Variants in GSE1 observed in about 807,000 individuals in gnomAD.
GSE1 encodes Gse1 coiled-coil protein.
GSE1 carries 32 observed loss-of-function variants against 112.6 expected under a neutral mutation model. The observed-to-expected ratio is 0.28, with a 90% confidence interval of 0.21 to 0.38. GSE1 has a LOEUF of 0.38. Ranked by LOEUF, GSE1 falls within the 10% of genes least tolerant of loss-of-function variation. GSE1 has a pLI of 1.00. For missense variants in GSE1, 2,348 were observed against 1,699.2 expected (o/e 1.38, Z -6.71); for synonymous variants, 1,115 against 735.6 (o/e 1.52, Z -8.35).
chr16:85,370,845 A>G (rs906478552), intron 2 of GSE1, among the ~76,000 whole-genome samples: 1 of 152,184 alleles, frequency 6.6e-6, no homozygotes, highest in South Asian at 2.1e-4. Context: ...TCTGCTGCCC[A>G]CGGAGTTGAC....
rs1385213404 is a variant in GSE1 at position 85,672,924 on chromosome 16, T to C, written c.*385T>C. The C allele has an allele frequency of 1.3e-5, 2 of 155,804 alleles. No homozygotes were observed. The highest frequency in any genetic ancestry group is 1.3e-4 in the Admixed American group (2 of 15,588). The allele number at this position is 155,804 out of a possible 1,614,324, so 9.7% of individuals were successfully genotyped here. A position where few individuals can be genotyped will look rare whatever the true frequency, so the allele number is the denominator to read the frequency against. The stretch of plus-strand genomic sequence containing the variant: ...GGTTCTGTTCTTTCTTGTGTTGCCA[T>C]GTTACTATGCCTCAAGCCCAGTTTG... On this transcript the variant is annotated 3_prime_UTR_variant, in exon 16 of 16. Coordinates refer to ENST00000253458, the MANE Select transcript of GSE1 (RefSeq NM_014615.5).
intron 2 of GSE1, among the ~76,000 whole-genome samples, chr16:85,404,291 A>G (rs1312003137): frequency 1.6e-5 from 1 of 64,202 alleles, no homozygotes; most frequent in Non-Finnish European, 2.9e-5. Context: ...TCACTGTTAC[A>G]CTCAGGCCCC....
At chr16:85,418,275 A>G (rs2048749208) in intron 2 of GSE1, among the ~76,000 whole-genome samples, 1 of 152,234 alleles carries the variant, frequency 6.6e-6, no homozygotes, top group Non-Finnish European at 1.5e-5. Context: ...AGCCAGTAAC[A>G]TGCAAAGTCA....
intron 2 of GSE1, among the ~76,000 whole-genome samples, chr16:85,380,769 G>C: frequency 6.6e-6 from 1 of 152,214 alleles, no homozygotes; most frequent in East Asian, 1.9e-4. Context: ...ATCCAGCCTC[G>C]CAAACAGCCC....
chr16:85,492,798 G>T (rs1358137134), intron 2 of GSE1, among the ~76,000 whole-genome samples: 1 of 152,188 alleles, frequency 6.6e-6, no homozygotes, highest in Non-Finnish European at 1.5e-5. Flanking sequence ...TCCTGAGTTT[G>T]CCTGGAGTGG....
chr16:85,608,337 C>T (rs1287359399), upstream of GSE1, among the ~76,000 whole-genome samples: 5 of 152,136 alleles, frequency 3.3e-5, no homozygotes, highest in Admixed American at 1.3e-4. Context: ...CCCCCCGCCC[C>T]TTGCCCCTGC....
chr16:85,478,809 A>C (rs112930795), intron 2 of GSE1, among the ~76,000 whole-genome samples: 3 of 151,066 alleles, frequency 2.0e-5, no homozygotes, highest in African/African-American at 7.3e-5. Flanking sequence ...TTGGAATTAC[A>C]ACCATGCACC....
At chr16:85,451,099 G>T (rs1386731620) in intron 2 of GSE1, among the ~76,000 whole-genome samples, 3 of 110,110 alleles carry the variant, frequency 2.7e-5, no homozygotes, top group African/African-American at 1.0e-4. Context: ...AAAAAAAAAA[G>T]CCAGGTTTAT....
At chr16:85,285,145 C>G (rs1184514287) in intron 1 of GSE1, 1 of 152,274 alleles carries the variant, frequency 6.6e-6, no homozygotes, top group African/African-American at 2.4e-5. Context: ...GTCACTTACA[C>G]TGAGTGATCC....
At chr16:85,263,044 G>A (rs569568803) in intron 1 of GSE1, among the ~76,000 whole-genome samples, 6 of 152,334 alleles carry the variant, frequency 3.9e-5, no homozygotes, top group South Asian at 4.1e-4. Context: ...CACAGATCGC[G>A]GGAGGGCGGG....
chr16:85,618,904 T>C (rs936523108), intron 1 of GSE1, among the ~76,000 whole-genome samples: 3 of 152,254 alleles, frequency 2.0e-5, no homozygotes, highest in African/African-American at 7.2e-5. Context: ...TCTTGGGTGA[T>C]CCTTCCGTCT....
intron 2 of GSE1, among the ~76,000 whole-genome samples, chr16:85,427,645 A>C (rs1030040683): frequency 6.6e-6 from 1 of 151,998 alleles, no homozygotes; most frequent in Non-Finnish European, 1.5e-5. Flanking sequence ...CCATCTCAAA[A>C]AAATGGTGAA....
chr16:85,211,009 G>A (rs778861577), intron 1 of GSE1, among the ~76,000 whole-genome samples: 1 of 152,240 alleles, frequency 6.6e-6, no homozygotes, highest in Non-Finnish European at 1.5e-5. Context: ...GGTGAGGACT[G>A]TGCCACTTGA....
intron 2 of GSE1, chr16:85,489,763 G>A (rs561807875): frequency 3.9e-5 from 6 of 152,430 alleles, no homozygotes; most frequent in African/African-American, 1.4e-4. Flanking sequence ...GACCCTATTT[G>A]GAAATTGGGT....
intron 2 of GSE1, among the ~76,000 whole-genome samples, chr16:85,640,183 G>A (rs1042403358): frequency 7.2e-5 from 11 of 152,014 alleles, no homozygotes; most frequent in South Asian, 2.1e-4. Flanking sequence ...GTCTGAGCCC[G>A]TTCCCACCCC....
Position 85,260,319 on chromosome 16 carries a change from C to CTTTT in GSE1, c.2283+88531_2283+88534dup, listed in dbSNP as rs111292010. On this transcript the variant is annotated intron_variant, in intron 1 of 2. Transcript: ENST00000637419. ...TATTTTTCCTTTTTCTTTTTCTTTT[C>CTTTT]TTTTTTTTTTTTTTTTTTTTTTGAG... 2.3e-3 allele frequency among the ~76,000 whole-genome samples: 221 copies of CTTTT among 94,868 alleles called. 5 individuals are homozygous for CTTTT. The highest frequency in any genetic ancestry group is 4.3e-3 in the African/African-American group (95 of 21,998). The allele number at this position is 94,868 out of a possible 152,430, so 62.2% of individuals were successfully genotyped here.
intron 1 of GSE1, among the ~76,000 whole-genome samples, chr16:85,265,380 G>T (rs1253639646): frequency 1.3e-5 from 2 of 152,176 alleles, no homozygotes; most frequent in African/African-American, 2.4e-5. Context: ...AAGGCTGATT[G>T]CTCAGAGTTG....
intron 1 of GSE1, among the ~76,000 whole-genome samples, chr16:85,224,958 T>A (rs2075458653): frequency 6.6e-6 from 1 of 152,060 alleles, no homozygotes; most frequent in South Asian, 2.1e-4. Context: ...TGAAACCCTG[T>A]CTGTAGTAAA....
At chr16:85,347,429 G>A (rs955875273) in intron 1 of GSE1, among the ~76,000 whole-genome samples, 51 of 152,188 alleles carry the variant, frequency 3.4e-4, no homozygotes, top group African/African-American at 1.4e-4. Context: ...ATGAGGAGGC[G>A]CTCTTGCCTC....
Sources: gnomAD v4.1 joint callset for allele counts (sites outside exome capture counted in the v4.1 genomes callset) on GRCh38, gnomAD v4.1.1 for gene constraint, MANE v1.5 for transcripts, NCBI Gene and HGNC (gene_info 2026-07-23, HGNC 2026-07-21) for gene names.